Variants in CYREN observed in about 807,000 individuals in gnomAD.
CYREN encodes the protein cell cycle regulator of NHEJ.
A neutral mutation model predicts 9.7 loss-of-function variants in CYREN; 7 were observed. The ratio of observed to expected loss-of-function variants is 0.72; its 90% CI spans 0.41 to 1.36. The LOEUF is 1.36. Ranked by LOEUF, CYREN falls within the 40% of genes most tolerant of loss-of-function variation. The pLI is 0.01. For missense variants in CYREN, 215 were observed against 198.1 expected (o/e 1.09, Z -0.51); for synonymous variants, 76 against 77.9 (o/e 0.98, Z 0.13).
chr7:135,105,069 A>C (rs1272271713), intron 2 of CYREN, among the ~76,000 whole-genome samples: 1 of 67,604 alleles, frequency 1.5e-5, no homozygotes, highest in Non-Finnish European at 2.9e-5. Context: ...TTTACATTCA[A>C]GTTTTTTTTT....
At chr7:135,104,960 G>A (rs1157196284) in intron 2 of CYREN, among the ~76,000 whole-genome samples, 1 of 151,270 alleles carries the variant, frequency 6.6e-6, no homozygotes, top group African/African-American at 2.4e-5. Flanking sequence ...TGCTTTTGTT[G>A]TGATTGCTTT....
intron 2 of CYREN, among the ~76,000 whole-genome samples, chr7:135,140,437 G>A (rs111334666): frequency 1.3e-5 from 2 of 152,200 alleles, no homozygotes; most frequent in African/African-American, 4.8e-5. Flanking sequence ...TGCTGAAGTT[G>A]CTTAGCAGAT....
intron 2 of CYREN, among the ~76,000 whole-genome samples, chr7:135,124,499 T>G (rs2117271912): frequency 6.6e-6 from 1 of 152,244 alleles, no homozygotes; most frequent in South Asian, 2.1e-4. Context: ...AGACAGAAAA[T>G]TAACAAGGAT....
chr7:135,101,069 A>T, intron 2 of CYREN: 1 of 398,480 alleles, frequency 2.5e-6, no homozygotes, highest in Middle Eastern at 3.6e-4. Flanking sequence ...AGAGGACCCA[A>T]TTTTTTTCAT....
At chr7:135,152,820 T>G (rs1435895337) in intron 2 of CYREN, 2 of 152,192 alleles carry the variant, frequency 1.3e-5, no homozygotes, top group African/African-American at 2.4e-5. Context: ...TTGCAAAGTG[T>G]GTAATGTTTA....
chr7:135,115,377 C>T, intron 2 of CYREN: 1 of 1,542,650 alleles, frequency 6.5e-7, no homozygotes, highest in Non-Finnish European at 8.8e-7. Flanking sequence ...GGTTGCTCCC[C>T]AGATCTGCAC....
At chr7:135,163,241 T>A (rs1261016765), downstream of CYREN, among the ~76,000 whole-genome samples, 2 of 152,264 alleles carry the variant, frequency 1.3e-5, no homozygotes, top group Non-Finnish European at 2.9e-5. Context: ...TTCAACATCA[T>A]GATTATGTAA....
At chr7:135,164,833 T>C, downstream of CYREN, 1 of 1,613,954 alleles carries the variant, frequency 6.2e-7, no homozygotes, top group African/African-American at 1.3e-5. Flanking sequence ...GCAGGCGGCC[T>C]GGGCCTCTTC....
rs1176537606 is a variant in CYREN, at chr7:135,129,430, TGGAAGAG to T, written n.357-34855_357-34849del. On this transcript the variant is annotated intron_variant and non_coding_transcript_variant, in intron 2 of 2. Coordinates refer to the CYREN transcript ENST00000459937. ...GATAAGAGGGTGATTCAGAAGGCAC[TGGAAGAG>T]ATGGAAAGTAAGGAGTGGCTAGAGA... The T allele has an allele frequency of 6.4e-6, 5 of 785,756 alleles. No homozygotes were observed. In the African/African-American group the frequency reaches 8.5e-5, roughly 13 times the overall value. The allele number at this position is 785,756 out of a possible 1,614,324, so 48.7% of individuals were successfully genotyped here. A position where few individuals can be genotyped will look rare whatever the true frequency, so the allele number is the denominator to read the frequency against.
chr7:135,151,176 C>T lies in CYREN; in HGVS notation n.356+17573G>A, dbSNP rs1274413395. On this transcript the variant is annotated intron_variant and non_coding_transcript_variant, in intron 2 of 2. Coordinates refer to the CYREN transcript ENST00000459937. This position sits in a 1 kb window ranked among gnomAD's most constrained non-coding sequence, Gnocchi z 4.3. The stretch of plus-strand genomic sequence containing the variant: ...AAGTAAATCAAAACATCACAGCATT[C>T]ATTAAAAACTTGGTGGTTGGGATGG... Among the ~76,000 whole-genome samples the T allele has an allele frequency of 6.6e-6, 1 of 152,128 alleles. No individual in the cohort carries two copies. Among genetic ancestry groups the T allele is most frequent in the Non-Finnish European group, 1.5e-5 (1 of 68,022 alleles).
chr7:135,168,100 G>C lies in CYREN; in HGVS notation c.138-293C>G. 3 of 445,156 alleles carry C rather than the reference G, an allele frequency of 6.7e-6. No homozygotes were observed. The South Asian group carries it at 7.1e-5, about 11-fold the overall frequency. The allele number at this position is 445,156 out of a possible 1,614,324, so 27.6% of individuals were successfully genotyped here. ...CCGCCTCTGAAACACACACATGGAT[G>C]CAAGAGGAAGGGAACCTCGGGCTGA... is the stretch of plus-strand genomic sequence containing the variant. On this transcript the variant is annotated intron_variant, in intron 2 of 3. Transcript: ENST00000393114.
intron 2 of CYREN, among the ~76,000 whole-genome samples, chr7:135,125,333 A>G (rs966993025): frequency 3.3e-5 from 5 of 152,202 alleles, no homozygotes; most frequent in Non-Finnish European, 7.3e-5. Context: ...CACCCTCCCA[A>G]GACTAAACCA....
Position 135,143,419 on chromosome 7 carries a change from AAAAC to A in CYREN, n.356+25326_356+25329del, listed in dbSNP as rs540548128. 3.5e-4 allele frequency among the ~76,000 whole-genome samples: 53 copies of A among 152,334 alleles called. 1 individual carries two copies. Among genetic ancestry groups the A allele is most frequent in the Non-Finnish European group, 3.8e-4 (26 of 68,034 alleles). ...AACAACTGGACATCCACATACTGCA[AAAAC>A]AAACAAACAAATCCAGATGCAGACC... On this transcript the variant is annotated intron_variant and non_coding_transcript_variant, in intron 2 of 2. Transcript: ENST00000459937.
intron 2 of CYREN, chr7:135,094,677 G>A: frequency 2.7e-6 from 1 of 366,222 alleles, no homozygotes; most frequent in Non-Finnish European, 5.3e-6. Flanking sequence ...ACTCTAAAAG[G>A]AGAAAATCAA....
chr7:135,096,598 T>TAGATAGAG (rs1822834047), intron 2 of CYREN, among the ~76,000 whole-genome samples: 1 of 115,872 alleles, frequency 8.6e-6, no homozygotes, highest in African/African-American at 3.0e-5. Flanking sequence ...GATAGATAGA[T>TAGATAGAG]AGATAGATAG....
downstream of CYREN, among the ~76,000 whole-genome samples, chr7:135,162,699 C>T (rs1340708553): frequency 1.3e-5 from 2 of 152,184 alleles, no homozygotes; most frequent in Non-Finnish European, 2.9e-5. Flanking sequence ...TGGGTCCCTC[C>T]CACAATGTGG....
At chr7:135,165,094 C>A, downstream of CYREN, 2 of 1,422,556 alleles carry the variant, frequency 1.4e-6, no homozygotes, top group East Asian at 2.4e-5. Flanking sequence ...TGATCTCCAG[C>A]TCCAGCGATG....
At chr7:135,102,981 G>T (rs1297688159) in intron 2 of CYREN, among the ~76,000 whole-genome samples, 1 of 152,052 alleles carries the variant, frequency 6.6e-6, no homozygotes, top group African/African-American at 2.4e-5. Context: ...TAAAATGCAT[G>T]GGACATATTG....
exon 3 of CYREN, chr7:135,093,002 T>G (rs1430770591): frequency 6.7e-6 from 1 of 149,628 alleles, no homozygotes; most frequent in East Asian, 2.0e-4. Context: ...AAAGAGACAC[T>G]CAACAAATTA....
Sources: allele counts gnomAD v4.1 joint callset (sites outside exome capture counted in the v4.1 genomes callset), GRCh38; gene constraint gnomAD v4.1.1; non-coding constraint Gnocchi (gnomAD v3.1); transcripts MANE v1.5; gene names NCBI Gene and HGNC (gene_info 2026-07-23, HGNC 2026-07-21).